EBF1: variants seen among roughly 807,000 people sequenced by gnomAD.
EBF1 encodes EBF transcription factor 1.
In EBF1, 10 loss-of-function variants were observed where a neutral mutation model predicts 68.4. That is an observed-to-expected ratio of 0.15 (90% CI 0.09 to 0.25). The LOEUF (loss-of-function observed/expected upper bound fraction) is 0.25, where lower values mean the gene tolerates loss of function less well. Among genes scored for constraint, EBF1 ranks in the 10% least tolerant of loss-of-function variants. The pLI is 1.00. For synonymous variants in EBF1, 298 were observed against 299.8 expected, an observed-to-expected ratio of 0.99 and a Z score of 0.06; for missense variants, 509 against 794.4, an observed-to-expected ratio of 0.64 and a Z score of 4.32.
intron 6 of EBF1, among the ~76,000 whole-genome samples, chr5:159,005,939 T>C (rs147595465): frequency 2.6e-5 from 4 of 152,310 alleles, no homozygotes; most frequent in Non-Finnish European, 4.4e-5. Flanking sequence ...GTTCACCTAA[T>C]TGACTTTTCC....
At chr5:158,887,548 T>G (rs1562222162) in intron 6 of EBF1, among the ~76,000 whole-genome samples, 1 of 152,126 alleles carries the variant, frequency 6.6e-6, no homozygotes, top group Non-Finnish European at 1.5e-5. Context: ...AATTTCATAT[T>G]TAATAAATAT....
intron 8 of EBF1, among the ~76,000 whole-genome samples, chr5:158,802,392 TAATCTA>T (rs1043896902): frequency 2.6e-5 from 4 of 152,184 alleles, no homozygotes; most frequent in East Asian, 1.9e-4. Context: ...AGAAATTTTC[TAATCTA>T]AATCTAAATC....
intron 11 of EBF1, among the ~76,000 whole-genome samples, chr5:158,714,589 T>C (rs1278740595): frequency 6.6e-6 from 1 of 152,118 alleles, no homozygotes; most frequent in Admixed American, 6.5e-5. Context: ...ATCAGACAGG[T>C]CATTTTCGAG....
chr5:158,914,345 C>G (rs1439341107), intron 6 of EBF1, among the ~76,000 whole-genome samples: 4 of 152,106 alleles, frequency 2.6e-5, no homozygotes, highest in Non-Finnish European at 5.9e-5. Flanking sequence ...ATGGCACTGT[C>G]TCATTGCATG....
At chr5:158,812,283 A>T (rs1582117711) in intron 8 of EBF1, among the ~76,000 whole-genome samples, 1 of 152,338 alleles carries the variant, frequency 6.6e-6, no homozygotes, top group Non-Finnish European at 1.5e-5. Flanking sequence ...AGAGTAGCTG[A>T]AAAGTTAAGA....
chr5:159,085,247 T>C (rs1278257678), intron 4 of EBF1, among the ~76,000 whole-genome samples: 1 of 152,168 alleles, frequency 6.6e-6, no homozygotes, highest in East Asian at 1.9e-4. Flanking sequence ...ATGTTTGCAA[T>C]GATTTATCAA....
chr5:159,074,415 G>C (rs1048205997), intron 5 of EBF1, among the ~76,000 whole-genome samples: 4 of 152,214 alleles, frequency 2.6e-5, no homozygotes, highest in African/African-American at 9.7e-5. Context: ...CAGTGAAGTA[G>C]ATGGGGAGGG....
At chr5:158,830,448 T>G (rs1037021909) in intron 7 of EBF1, among the ~76,000 whole-genome samples, 1 of 152,192 alleles carries the variant, frequency 6.6e-6, no homozygotes, top group Non-Finnish European at 1.5e-5. Context: ...TTTTTATATT[T>G]TTAGTAGAGA....
chr5:159,024,770 CTAAG>C (rs1401080390), intron 6 of EBF1, among the ~76,000 whole-genome samples: 1 of 152,192 alleles, frequency 6.6e-6, no homozygotes, highest in African/African-American at 2.4e-5. Context: ...AGAATTGTCT[CTAAG>C]TAAGAGTGAC....
intron 6 of EBF1, among the ~76,000 whole-genome samples, chr5:158,859,628 C>G (rs1338189519): frequency 6.6e-6 from 1 of 152,160 alleles, no homozygotes; most frequent in Non-Finnish European, 1.5e-5. Context: ...CCAAAGCTGC[C>G]CCTCACTTAA....
chr5:158,767,303 A>G (rs1422466175), intron 10 of EBF1, among the ~76,000 whole-genome samples: 1 of 152,152 alleles, frequency 6.6e-6, no homozygotes, highest in Admixed American at 6.6e-5. Context: ...AGTATGCATT[A>G]TGTTCACAAT....
chr5:158,903,905 A>G (rs1803989219), intron 6 of EBF1, among the ~76,000 whole-genome samples: 1 of 152,116 alleles, frequency 6.6e-6, no homozygotes, highest in South Asian at 2.1e-4. Flanking sequence ...TAAAGTGGGC[A>G]GGTACTATCA....
intron 11 of EBF1, among the ~76,000 whole-genome samples, chr5:158,724,339 A>G (rs562819684): frequency 6.6e-6 from 1 of 152,174 alleles, no homozygotes; most frequent in Non-Finnish European, 1.5e-5. Context: ...AAAGAGAGAT[A>G]GTGAGAGTGA....
At chr5:158,850,508 C>T (rs934201217) in intron 6 of EBF1, among the ~76,000 whole-genome samples, 19 of 152,190 alleles carry the variant, frequency 1.2e-4, no homozygotes, top group African/African-American at 3.4e-4. Flanking sequence ...AATTTCTGTA[C>T]GTACTCTTTC....
chr5:158,893,486 A>G (rs1022553245), intron 6 of EBF1, among the ~76,000 whole-genome samples: 2 of 152,216 alleles, frequency 1.3e-5, no homozygotes, highest in Non-Finnish European at 1.5e-5. Flanking sequence ...AAAAGGGGCA[A>G]TCTTACTTCT....
In EBF1 at chr5:158,712,989, T is replaced by C; in HGVS notation, c.1350A>G (p.Ala450=). 2.7e-6 allele frequency: 4 copies of C among 1,495,162 alleles called. No homozygotes were observed. Among genetic ancestry groups the C allele is most frequent in the African/African-American group, 1.4e-5 (1 of 71,258 alleles). The allele number at this position is 1,495,162 out of a possible 1,614,324, so 92.6% of individuals were successfully genotyped here. A position where few individuals can be genotyped will look rare whatever the true frequency, so the allele number is the denominator to read the frequency against. The stretch of plus-strand genomic sequence containing the variant: ...TCTGACCCTGATTGGTGGCTTGTGA[T>C]GCCTCGGAGACATTCACGGCCAGTT... The part of the protein sequence containing the change: ...SGQLAVNVSE[A]SQATNQGFTR... Residue 450 remains alanine, a synonymous_variant, in exon 13 of 16, where the codon GCA becomes GCG. Coordinates refer to ENST00000313708, the MANE Select transcript of EBF1 (RefSeq NM_024007.5).
At chr5:158,779,056 C>A (rs1775891225) in intron 9 of EBF1, among the ~76,000 whole-genome samples, 1 of 152,026 alleles carries the variant, frequency 6.6e-6, no homozygotes, top group African/African-American at 2.4e-5. Flanking sequence ...AAGAAAGAGG[C>A]TCTGAAGGGC....
intron 6 of EBF1, among the ~76,000 whole-genome samples, chr5:158,951,664 C>T (rs1466862120): frequency 6.6e-6 from 1 of 152,226 alleles, no homozygotes; most frequent in East Asian, 1.9e-4. Flanking sequence ...AGCTGCCACA[C>T]AGCTCACTGC....
At chr5:158,719,324 G>A (rs1473721302) in intron 11 of EBF1, among the ~76,000 whole-genome samples, 1 of 152,174 alleles carries the variant, frequency 6.6e-6, no homozygotes, top group Non-Finnish European at 1.5e-5. Context: ...CTAGCAACAT[G>A]AGGTTGGTCC....
Sources: allele counts gnomAD v4.1 joint callset (sites outside exome capture counted in the v4.1 genomes callset), GRCh38; gene constraint gnomAD v4.1.1; transcripts MANE v1.5; gene names NCBI Gene and HGNC (gene_info 2026-07-23, HGNC 2026-07-21).